Variants in EVI5 observed in about 807,000 individuals in gnomAD.
EVI5 encodes ecotropic viral integration site 5.
Under a neutral mutation model 112.0 loss-of-function variants are expected in EVI5, and 73 were observed. That is an observed-to-expected ratio of 0.65 (90% confidence interval 0.54 to 0.79). The LOEUF (loss-of-function observed/expected upper bound fraction) is 0.79, where lower values mean the gene tolerates loss of function less well. EVI5 is among the 30% of genes least tolerant of loss of function. EVI5 has a pLI of 0.00. For missense variants in EVI5, 900 were observed against 968.8 expected, an observed-to-expected ratio of 0.93 and a Z score of 0.94; for synonymous variants, 305 against 319.9, an observed-to-expected ratio of 0.95 and a Z score of 0.50.
At chr1:92,605,509 G>C (rs1337950470) in intron 17 of EVI5, 107 bp from the exon 18 acceptor site, 9 of 734,216 alleles carry the variant, frequency 1.2e-5, no homozygotes, top group Non-Finnish European at 2.2e-5. Context: ...TTATCTAGCA[G>C]GGTCTAAGGC....
chr1:92,549,473 G>A (rs1005246394), intron 19 of EVI5, among the ~76,000 whole-genome samples: 8 of 151,488 alleles, frequency 5.3e-5, no homozygotes, highest in Admixed American at 5.3e-4. Flanking sequence ...AAAAGCAATG[G>A]CATCAAAAGC....
chr1:92,603,590 T>G (rs781051063), intron 18 of EVI5, among the ~76,000 whole-genome samples: 1 of 152,140 alleles, frequency 6.6e-6, no homozygotes, highest in Non-Finnish European at 1.5e-5. Context: ...TAACTTACTG[T>G]AAGTTTATTT....
intron 18 of EVI5, among the ~76,000 whole-genome samples, chr1:92,592,544 G>C (rs1008494824): frequency 1.3e-5 from 2 of 152,114 alleles, no homozygotes; most frequent in Non-Finnish European, 2.9e-5. Flanking sequence ...TCAAAAACTA[G>C]CAGAAGGCAA....
At chr1:92,784,099 C>A (rs552193831) in intron 1 of EVI5, among the ~76,000 whole-genome samples, 1 of 152,128 alleles carries the variant, frequency 6.6e-6, no homozygotes, top group Non-Finnish European at 1.5e-5. Context: ...AGGAGGAAAG[C>A]GAGGAAACCA....
intron 14 of EVI5, among the ~76,000 whole-genome samples, chr1:92,635,452 C>A (rs898422163): frequency 1.6e-4 from 24 of 152,198 alleles, no homozygotes; most frequent in African/African-American, 5.5e-4. Flanking sequence ...ATGAGTGAGG[C>A]TCTGTGAGCG....
chr1:92,787,851 A>G (rs1435760796), upstream of EVI5, among the ~76,000 whole-genome samples: 1 of 152,134 alleles, frequency 6.6e-6, no homozygotes, highest in East Asian at 1.9e-4. Flanking sequence ...TACCTTTTTT[A>G]TCTTAAAGTA....
chr1:92,760,929 G>A (rs917126973), intron 1 of EVI5, among the ~76,000 whole-genome samples: 15 of 150,340 alleles, frequency 1.0e-4, no homozygotes, highest in African/African-American at 3.7e-4. Flanking sequence ...GTGGTGGTGG[G>A]CGCCTGTAGT....
chr1:92,600,184 G>A (rs996988730), intron 18 of EVI5, among the ~76,000 whole-genome samples: 1 of 152,122 alleles, frequency 6.6e-6, no homozygotes, highest in Non-Finnish European at 1.5e-5. Flanking sequence ...AAGAGTTGGC[G>A]ATATGCAAAA....
At chr1:92,715,844 A>G (rs1673564263) in intron 2 of EVI5, among the ~76,000 whole-genome samples, 1 of 152,072 alleles carries the variant, frequency 6.6e-6, no homozygotes, top group African/African-American at 2.4e-5. Flanking sequence ...ACACCCACAG[A>G]GCTTTGCTCA....
chr1:92,702,687 T>C (rs904304704), intron 4 of EVI5, among the ~76,000 whole-genome samples: 3 of 150,922 alleles, frequency 2.0e-5, no homozygotes, highest in African/African-American at 7.3e-5. Context: ...GCGCATGTAA[T>C]CCCAGCTACT....
At chr1:92,555,988 T>C (rs1182684343) in intron 19 of EVI5, among the ~76,000 whole-genome samples, 2 of 151,982 alleles carry the variant, frequency 1.3e-5, no homozygotes, top group African/African-American at 4.8e-5. Flanking sequence ...CTTTAGTATT[T>C]TAGTTTTAAT....
At chr1:92,697,238 T>C (rs1417760598) in intron 6 of EVI5, among the ~76,000 whole-genome samples, 1 of 151,936 alleles carries the variant, frequency 6.6e-6, no homozygotes, top group Non-Finnish European at 1.5e-5. Context: ...GAAATTGAAA[T>C]AAATGAAAAT....
intron 19 of EVI5, among the ~76,000 whole-genome samples, chr1:92,550,284 G>A (rs946231514): frequency 3.4e-5 from 5 of 146,572 alleles, no homozygotes; most frequent in African/African-American, 1.0e-4. Flanking sequence ...ACTCATAGGT[G>A]GGAACTGAAC....
intron 1 of EVI5, among the ~76,000 whole-genome samples, chr1:92,740,637 T>C (rs1184345855): frequency 6.6e-6 from 1 of 152,206 alleles, no homozygotes; most frequent in African/African-American, 2.4e-5. Flanking sequence ...ATGTCAGATA[T>C]ACATATGTGT....
chr1:92,619,951 G>A (rs1055383952), intron 16 of EVI5, among the ~76,000 whole-genome samples: 2 of 152,026 alleles, frequency 1.3e-5, no homozygotes, highest in African/African-American at 4.8e-5. Flanking sequence ...GGGGCAAAAC[G>A]AACAGAGCAA....
At chr1:92,645,756 C>T (rs565315789) in intron 13 of EVI5, among the ~76,000 whole-genome samples, 39 of 152,242 alleles carry the variant, frequency 2.6e-4, no homozygotes, top group African/African-American at 8.7e-4. Context: ...AGCTGCTCTC[C>T]CATTAATCTA....
chr1:92,762,172 T>C (rs1053055558), intron 1 of EVI5, among the ~76,000 whole-genome samples: 4 of 152,228 alleles, frequency 2.6e-5, no homozygotes, highest in African/African-American at 4.8e-5. Flanking sequence ...TTTTCTTAGA[T>C]GTCTATATGG....
chr1:92,599,744 C>A (rs968275720), intron 18 of EVI5, among the ~76,000 whole-genome samples: 3 of 151,970 alleles, frequency 2.0e-5, no homozygotes, highest in Non-Finnish European at 4.4e-5. Flanking sequence ...CAGAATGGCA[C>A]AGAATTCTGA....
chr1:92,561,608 C>CTAAT (rs1557790129), intron 19 of EVI5, among the ~76,000 whole-genome samples: 63 of 132,182 alleles, frequency 4.8e-4, no homozygotes, highest in Non-Finnish European at 5.8e-4. Flanking sequence ...TCTAATCTAT[C>CTAAT]CTATCTATCT....
Sources: gnomAD v4.1 joint callset for allele counts (sites outside exome capture counted in the v4.1 genomes callset) on GRCh38, gnomAD v4.1.1 for gene constraint, MANE v1.5 for transcripts, NCBI Gene and HGNC (gene_info 2026-07-23, HGNC 2026-07-21) for gene names.